PRKDC: variants seen among roughly 807,000 people sequenced by gnomAD.
PRKDC encodes the protein protein kinase, DNA-activated, catalytic subunit.
PRKDC carries 82 observed loss-of-function variants against 486.9 expected under a neutral mutation model. The ratio of observed to expected loss-of-function variants is 0.17; its 90% CI spans 0.14 to 0.20. PRKDC has a LOEUF of 0.20. PRKDC is among the 10% of genes least tolerant of loss of function. PRKDC has a pLI of 1.00. For synonymous variants in PRKDC, 1,895 were observed against 1,837.0 expected (o/e 1.03, Z -0.81); for missense variants, 4,504 against 5,038.2 (o/e 0.89, Z 3.21).
rs375391499 is a variant in PRKDC, at chr8:47,936,480, A to G, written c.1151T>C (p.Met384Thr). The G allele has an allele frequency of 2.5e-5, 40 of 1,614,048 alleles. No homozygotes were observed. The highest frequency in any genetic ancestry group is 3.2e-5 in the Non-Finnish European group (38 of 1,179,898). The change falls in exon 12 of 86, where the codon ATG becomes ACG. Residue 384 changes from methionine to threonine, a missense_variant. By Grantham distance (81) the Met-to-Thr change is moderately conservative. Transcript: ENST00000314191. ...GCAGCGCTGAATGAGCTCAACGTAC[A>G]TGAAGTCAACATCTTTTGCGTTTAT... Reference protein sequence around the residue: ...KVINAKDVDFMYVELIQRCKQ... With the variant: ...KVINAKDVDFTYVELIQRCKQ...
chr8:47,891,877 T>C (rs561312585), intron 31 of PRKDC, among the ~76,000 whole-genome samples: 2 of 152,154 alleles, frequency 1.3e-5, no homozygotes, highest in Non-Finnish European at 2.9e-5. Flanking sequence ...CAAGTTTTTT[T>C]TGTTTTGGTT....
At position 47,858,837 on chromosome 8, in the gene PRKDC, T is replaced by A; in HGVS notation, c.6345+12A>T. The A allele has an allele frequency of 5.0e-6, 8 of 1,610,922 alleles. No homozygotes were observed. Among genetic ancestry groups the A allele is most frequent in the Non-Finnish European group, 6.8e-6 (8 of 1,177,964 alleles). ...ATATAGTATTAACAGGTAAGATGAG[T>A]GGGAAAAGCACCTCTTCTCCTTGAG... On this transcript the variant is annotated intron_variant, in intron 47 of 85. Transcript: ENST00000314191.
At chr8:47,943,435 G>T in intron 9 of PRKDC, 69 bp from the exon 10 acceptor site, 1 of 1,452,296 alleles carries the variant, frequency 6.9e-7, no homozygotes, top group Non-Finnish European at 9.2e-7. Flanking sequence ...CAACAAACCT[G>T]CAGGGATATG....
At chr8:47,833,650 A>C (rs1312233396) in intron 59 of PRKDC, among the ~76,000 whole-genome samples, 1 of 151,892 alleles carries the variant, frequency 6.6e-6, no homozygotes, top group African/African-American at 2.4e-5. Flanking sequence ...ATACACCCCC[A>C]CACCCACAAG....
Position 47,902,756 on chromosome 8 carries a change from A to C in PRKDC, c.3082T>G (p.Phe1028Val). 6.2e-7 allele frequency: 1 copy of C among 1,613,686 alleles called. No individual in the cohort carries two copies. Among genetic ancestry groups the C allele is most frequent in the Non-Finnish European group, 8.5e-7 (1 of 1,179,774 alleles). The change falls in exon 27 of 86, where the codon TTT (phenylalanine) becomes GTT (valine). Residue 1028 changes from phenylalanine (F) to valine (V), a missense_variant. By Grantham distance (50) the Phe-to-Val change is conservative. This residue lies in a region of PRKDC where 1,969 missense variants were observed against 2,068.9 expected (regional missense o/e 0.95). Coordinates refer to ENST00000314191, the MANE Select transcript of PRKDC (RefSeq NM_006904.7). The stretch of plus-strand genomic sequence containing the variant: ...AATTCTCGAATACACCGACCACAAA[A>C]ATCTCTTAAAGTACTGTCAACAGGG... The part of the protein sequence containing the change: ...VDPVDSTLRD[F>V]CGRCIREFLK...
chr8:47,927,844 C>G lies in PRKDC; in HGVS notation c.2186G>C (p.Cys729Ser). The G allele has an allele frequency of 6.3e-7, 1 of 1,596,924 alleles. No homozygotes were observed. Among genetic ancestry groups the G allele is most frequent in the Non-Finnish European group, 8.5e-7 (1 of 1,172,758 alleles). Residue 729 changes from cysteine to serine, a missense_variant, in exon 20 of 86, where the codon TGT (cysteine) becomes TCT (serine). Physicochemically the swap from Cys to Ser is moderately radical, Grantham distance 112. Coordinates refer to ENST00000314191, the MANE Select transcript of PRKDC (RefSeq NM_006904.7). The part of the protein sequence containing the change: ...KQYKDELLAS[C>S]LTFLLSLPHN... ...TGGCAAGGACAGAAGAAAGGTCAAA[C>G]AAGAGGCCAAAAGTTCATCTTTGTA...
rs1167545882 is a variant in PRKDC, at chr8:47,886,115, T to C, written c.4605A>G (p.Pro1535=). Reference sequence around the variant, plus strand: ...CCAAGGACGCCGTGGACAGCACCGCTGGGTTCAGGAGAAGACTCACAAGGC... The same window carrying C: ...CCAAGGACGCCGTGGACAGCACCGCCGGGTTCAGGAGAAGACTCACAAGGC... ...CERLVSLLLN[P]AVLSTASLGS... is the part of the protein sequence containing the mutation. The change falls in exon 36 of 86, where the codon CCA becomes CCG. Residue 1535 remains proline, a synonymous_variant. Transcript: ENST00000314191. 5 of 1,612,698 alleles carry C rather than the reference T, an allele frequency of 3.1e-6. No individual in the cohort carries two copies. Among genetic ancestry groups the C allele is most frequent in the Non-Finnish European group, 3.4e-6 (4 of 1,179,598 alleles).
intron 68 of PRKDC, among the ~76,000 whole-genome samples, chr8:47,807,754 C>T (rs554458859): frequency 4.8e-5 from 7 of 147,210 alleles, no homozygotes; most frequent in South Asian, 2.2e-4. Flanking sequence ...CTCATTCTGT[C>T]GCCCAGGATG....
At chr8:47,890,705 C>A (rs1351649730) in intron 31 of PRKDC, among the ~76,000 whole-genome samples, 1 of 152,114 alleles carries the variant, frequency 6.6e-6, no homozygotes, top group African/African-American at 2.4e-5. Context: ...CCAAACATTA[C>A]ATGTGAGAAG....
chr8:47,951,494 C>T (rs2090623868), intron 7 of PRKDC, among the ~76,000 whole-genome samples: 1 of 151,714 alleles, frequency 6.6e-6, no homozygotes, highest in African/African-American at 2.4e-5. Context: ...GGAGCCAAGG[C>T]AGGAGGATCA....
intron 30 of PRKDC, among the ~76,000 whole-genome samples, chr8:47,895,681 C>G (rs1320628630): frequency 6.6e-6 from 1 of 152,092 alleles, no homozygotes; most frequent in East Asian, 1.9e-4. Flanking sequence ...ACTAATTTCA[C>G]AAGGTTGCTG....
Position 47,826,765 on chromosome 8 carries a change from G to C in PRKDC, c.8674C>G (p.Leu2892Val), listed in dbSNP as rs1471879314. 6.2e-7 allele frequency: 1 copy of C among 1,612,442 alleles called. No individual in the cohort carries two copies. Among genetic ancestry groups the C allele is most frequent in the Non-Finnish European group, 8.5e-7 (1 of 1,179,510 alleles). Reference protein sequence around the residue: ...ASLQQPVGIRLLEEALLRLLP... With the variant: ...ASLQQPVGIRVLEEALLRLLP... ...AGGCGGAGCAGAGCCTCCTCTAGCA[G>C]GCGGATGCCCACGGGCTGCTGTAGG... The change falls in exon 63 of 86, where the codon CTG (leucine) becomes GTG (valine). Residue 2892 changes from leucine (L) to valine (V), a missense_variant. Around this residue, in one of 6 missense-constraint regions of PRKDC, gnomAD observed 1,592 missense variants for 1,724.6 expected, o/e 0.92. Transcript: ENST00000314191.
rs755787477 is a variant in PRKDC at position 47,785,094 on chromosome 8, C to A, written c.11107+19G>T. 1.9e-6 allele frequency: 3 copies of A among 1,612,104 alleles called. No individual in the cohort carries two copies. The South Asian group carries it at 3.3e-5, about 18-fold the overall frequency. ...TGCTCCTGACAGTACAGTTTTGTCA[C>A]CCCTGGAGGTTAACTCACCGGGAAT... On this transcript the variant is annotated intron_variant, in intron 77 of 85. Coordinates refer to ENST00000314191, the MANE Select transcript of PRKDC (RefSeq NM_006904.7).
intron 5 of PRKDC, 37 bp downstream of exon 5, chr8:47,954,301 C>T: frequency 1.1e-6 from 1 of 897,352 alleles, no homozygotes; most frequent in Non-Finnish European, 1.6e-6. Context: ...TATTAATTTG[C>T]TAAACTATTT....
At chr8:47,957,116 A>G (rs2090716623) in intron 3 of PRKDC, 55 bp downstream of exon 3, 1 of 1,195,878 alleles carries the variant, frequency 8.4e-7, no homozygotes. Flanking sequence ...CTCACACCAT[A>G]AGTTAAAACA....
At position 47,788,471 on chromosome 8, in the gene PRKDC, C is replaced by G. The variant is rs539917578; in HGVS notation, c.10902+435G>C. Among the ~76,000 whole-genome samples, 26 of 152,312 alleles carry G rather than the reference C, an allele frequency of 1.7e-4. 1 individual carries two copies. The South Asian group carries it at 5.4e-3, about 32-fold the overall frequency. On this transcript the variant is annotated intron_variant, in intron 76 of 85. Transcript: ENST00000314191. Reference sequence around the variant, plus strand: ...TGGTGAGCAGTTTTGTCACATAACCCCTTTGTATTTGGGGACTGGATCTGT... The same window carrying G: ...TGGTGAGCAGTTTTGTCACATAACCGCTTTGTATTTGGGGACTGGATCTGT...
At chr8:47,831,353 C>A (rs1443959943) in intron 60 of PRKDC, among the ~76,000 whole-genome samples, 1 of 152,210 alleles carries the variant, frequency 6.6e-6, no homozygotes, top group African/African-American at 2.4e-5. Context: ...TCCGTCCTAC[C>A]CCCTTCTTAC....
At position 47,822,194 on chromosome 8, in the gene PRKDC, G is replaced by C. The variant is rs1175055312; in HGVS notation, c.8923-402C>G. 2.0e-5 allele frequency among the ~76,000 whole-genome samples: 3 copies of C among 152,126 alleles called. No individual in the cohort carries two copies. In the East Asian group the frequency reaches 5.8e-4, roughly 29 times the overall value. On this transcript the variant is annotated intron_variant, in intron 64 of 85. Transcript: ENST00000314191. ...TGCAGTCCCAGCTACTTGGGAGGCT[G>C]AGGTGAGAAGATCACTTGGGCCCAG...
At chr8:47,902,918 G>A in intron 26 of PRKDC, 123 bp from the exon 27 acceptor site, 3 of 629,764 alleles carry the variant, frequency 4.8e-6, no homozygotes, top group Non-Finnish European at 7.2e-6. Context: ...CACTAGTCAA[G>A]AAAAAAATAA....
Sources: gnomAD v4.1 joint callset for allele counts (sites outside exome capture counted in the v4.1 genomes callset) on GRCh38, gnomAD v4.1.1 for gene constraint, gnomAD v4.1.1 regional missense constraint, MANE v1.5 for transcripts, NCBI Gene and HGNC (gene_info 2026-07-23, HGNC 2026-07-21) for gene names.